Variants in RPA3 observed in about 807,000 individuals in gnomAD.
The protein encoded by RPA3 is replication protein A3.
RPA3 carries 24 observed loss-of-function variants against 13.7 expected under a neutral mutation model. The ratio of observed to expected loss-of-function variants is 1.75; its 90% CI spans 1.27 to 2.46. The LOEUF (loss-of-function observed/expected upper bound fraction) is 2.46. Among genes scored for constraint, RPA3 ranks in the 30% most tolerant of loss-of-function variants. The pLI is 0.00. For missense variants in RPA3, 183 were observed against 151.0 expected, an observed-to-expected ratio of 1.21 and a Z score of -1.11; for synonymous variants, 59 against 51.2, an observed-to-expected ratio of 1.15 and a Z score of -0.65.
chr7:7,702,831 A>G (rs1780493821), intron 2 of RPA3, among the ~76,000 whole-genome samples: 1 of 152,156 alleles, frequency 6.6e-6, no homozygotes. Flanking sequence ...TTTGTAAAAA[A>G]TGCTTAGAGA....
chr7:7,712,588 T>G (rs1386547913), intron 2 of RPA3, among the ~76,000 whole-genome samples: 2 of 152,236 alleles, frequency 1.3e-5, no homozygotes, highest in Non-Finnish European at 2.9e-5. Flanking sequence ...CTTTAGATTC[T>G]TTTGAATTTT....
In RPA3 at chr7:7,653,570, C is replaced by A. The variant is rs28992777; in HGVS notation, c.-757-12395G>T. Among the ~76,000 whole-genome samples, 712 of 152,292 alleles carry A rather than the reference C, an allele frequency of 4.7e-3. 7 individuals carry two copies. The highest frequency in any genetic ancestry group is 0.017 in the African/African-American group (687 of 41,558). On this transcript the variant is annotated intron_variant, in intron 4 of 7. Coordinates refer to ENST00000223129, the MANE Select transcript of RPA3 (RefSeq NM_002947.5). ...GTGCATCACGCACTAGGTGATCATA[C>A]CCATTCACAGAGGAGTTACAACACA...
At chr7:7,709,607 T>A (rs1407717178) in intron 2 of RPA3, among the ~76,000 whole-genome samples, 1 of 152,224 alleles carries the variant, frequency 6.6e-6, no homozygotes, top group Non-Finnish European at 1.5e-5. Context: ...AGTCACCTGT[T>A]TGCTCAGAAG....
At chr7:7,638,539 C>CA in intron 6 of RPA3, 1 of 115,148 alleles carries the variant, frequency 8.7e-6, no homozygotes, top group East Asian at 2.0e-4. Context: ...GCCATCTTTA[C>CA]AAAAAACAAA....
chr7:7,656,384 G>A (rs140470905), intron 4 of RPA3, among the ~76,000 whole-genome samples: 1,905 of 150,334 alleles, frequency 0.013, 52 homozygotes, highest in African/African-American at 0.044. Context: ...TGTTTCATAG[G>A]TATACACGTG....
intron 4 of RPA3, among the ~76,000 whole-genome samples, chr7:7,674,027 G>A (rs1779677967): frequency 6.6e-6 from 1 of 152,144 alleles, no homozygotes; most frequent in Non-Finnish European, 1.5e-5. Context: ...TTTCCTCCAT[G>A]TCATGTCACA....
intron 3 of RPA3, among the ~76,000 whole-genome samples, chr7:7,686,681 ATCT>A (rs925696126): frequency 6.6e-6 from 1 of 152,168 alleles, no homozygotes; most frequent in African/African-American, 2.4e-5. Flanking sequence ...AACCTTTTAA[ATCT>A]TCTTTAGCTT....
At chr7:7,702,490 T>C (rs1279947139) in intron 2 of RPA3, among the ~76,000 whole-genome samples, 1 of 152,206 alleles carries the variant, frequency 6.6e-6, no homozygotes, top group South Asian at 2.1e-4. Flanking sequence ...CCAATAGCTT[T>C]TATATAAAAT....
intron 2 of RPA3, among the ~76,000 whole-genome samples, chr7:7,692,170 C>G (rs1051206831): frequency 2.0e-5 from 3 of 152,212 alleles, no homozygotes; most frequent in African/African-American, 7.2e-5. Context: ...TCTTCCCTTA[C>G]TCTGGAAAGC....
chr7:7,678,866 A>T (rs1295327200), intron 4 of RPA3, among the ~76,000 whole-genome samples: 1 of 12,784 alleles, frequency 7.8e-5, no homozygotes, highest in Non-Finnish European at 1.2e-4. Context: ...ATATATTTAT[A>T]TATTTAGTTT....
At chr7:7,715,609 A>C (rs907785319) in intron 1 of RPA3, among the ~76,000 whole-genome samples, 1 of 152,344 alleles carries the variant, frequency 6.6e-6, no homozygotes, top group East Asian at 1.9e-4. Context: ...TCAAATGAGG[A>C]TAAAGTTTTT....
chr7:7,645,259 T>A (rs1172170120), intron 4 of RPA3, among the ~76,000 whole-genome samples: 1 of 152,196 alleles, frequency 6.6e-6, no homozygotes, highest in Non-Finnish European at 1.5e-5. Context: ...CCATTTTGAA[T>A]AGAAATAGTG....
At chr7:7,656,773 A>G (rs577562642) in intron 4 of RPA3, among the ~76,000 whole-genome samples, 9 of 152,336 alleles carry the variant, frequency 5.9e-5, no homozygotes, top group Middle Eastern at 3.4e-3. Context: ...TGCAATAAAC[A>G]TACGTGCGCA....
At position 7,638,244 on chromosome 7, in the gene RPA3, T is replaced by C. The variant is rs900921449; in HGVS notation, c.175-272A>G. The C allele has an allele frequency of 2.4e-4, 74 of 309,510 alleles. 1 individual carries two copies. Among genetic ancestry groups the C allele is most frequent in the Admixed American group, 1.9e-3 (43 of 22,862 alleles). 19.2% of individuals were successfully genotyped at this position (309,510 alleles called of 1,614,324 possible). A position where few individuals can be genotyped will look rare whatever the true frequency, so the allele number is the denominator to read the frequency against. On this transcript the variant is annotated intron_variant, in intron 6 of 7. Coordinates refer to ENST00000223129, the MANE Select transcript of RPA3 (RefSeq NM_002947.5). ...AAATCACTATTGAAAACGTCCAGCATTTCTATAAGCAGTAATATCCTATGA... is the reference window on the plus strand; with the variant it reads ...AAATCACTATTGAAAACGTCCAGCACTTCTATAAGCAGTAATATCCTATGA...
intron 4 of RPA3, among the ~76,000 whole-genome samples, chr7:7,653,967 T>C (rs1023991209): frequency 6.6e-6 from 1 of 152,186 alleles, no homozygotes; most frequent in African/African-American, 2.4e-5. Context: ...GAAACCTTGG[T>C]CCAATGTAAT....
intron 2 of RPA3, among the ~76,000 whole-genome samples, chr7:7,693,126 G>C (rs924258854): frequency 2.6e-5 from 4 of 152,026 alleles, no homozygotes; most frequent in Non-Finnish European, 5.9e-5. Flanking sequence ...GAACCCCAAA[G>C]GTATATATAT....
At chr7:7,646,487 T>A (rs1212158314) in intron 4 of RPA3, among the ~76,000 whole-genome samples, 3 of 146,016 alleles carry the variant, frequency 2.1e-5, no homozygotes, top group Non-Finnish European at 4.5e-5. Context: ...TGGATTTTTT[T>A]TTTTTTTTTT....
At chr7:7,682,105 T>G (rs1215149831) in intron 4 of RPA3, among the ~76,000 whole-genome samples, 1 of 152,092 alleles carries the variant, frequency 6.6e-6, no homozygotes, top group Non-Finnish European at 1.5e-5. Flanking sequence ...AGGAATTGGG[T>G]TACAGTACAA....
At chr7:7,713,181 A>G (rs1780809736) in intron 2 of RPA3, among the ~76,000 whole-genome samples, 1 of 151,496 alleles carries the variant, frequency 6.6e-6, no homozygotes, top group African/African-American at 2.4e-5. Context: ...TACTAAAAAT[A>G]CAAAAAAAAA....
Sources: gnomAD v4.1 joint callset for allele counts (sites outside exome capture counted in the v4.1 genomes callset) on GRCh38, gnomAD v4.1.1 for gene constraint, MANE v1.5 for transcripts, NCBI Gene and HGNC (gene_info 2026-07-23, HGNC 2026-07-21) for gene names.